TAFA1: variants seen among roughly 807,000 people sequenced by gnomAD.
TAFA1 encodes chemokine-like protein TAFA-1.
A neutral mutation model predicts 18.5 loss-of-function variants in TAFA1; 4 were observed. The observed-to-expected ratio is 0.22, with a 90% CI of 0.11 to 0.49. The LOEUF (loss-of-function observed/expected upper bound fraction) is 0.49. Ranked by LOEUF, TAFA1 falls within the 20% of genes least tolerant of loss-of-function variation. The pLI, the probability that TAFA1 is intolerant of heterozygous loss-of-function variation, is 0.98. For missense variants in TAFA1, 147 were observed against 169.0 expected (o/e 0.87, Z 0.72); for synonymous variants, 56 against 55.2 (o/e 1.01, Z -0.06).
At chr3:68,508,789 G>A (rs923696833) in intron 3 of TAFA1, among the ~76,000 whole-genome samples, 8 of 152,098 alleles carry the variant, frequency 5.3e-5, no homozygotes, top group African/African-American at 1.9e-4. Flanking sequence ...GTTGGAAGAA[G>A]TAGAGGCAAG....
At chr3:68,176,174 A>G (rs1336036612) in intron 2 of TAFA1, among the ~76,000 whole-genome samples, 1 of 152,200 alleles carries the variant, frequency 6.6e-6, no homozygotes, top group Non-Finnish European at 1.5e-5. Flanking sequence ...AAATGGACTA[A>G]TACATGAATA....
At chr3:68,304,528 G>C (rs1421619521) in intron 2 of TAFA1, among the ~76,000 whole-genome samples, 5 of 152,126 alleles carry the variant, frequency 3.3e-5, no homozygotes, top group African/African-American at 9.7e-5. Flanking sequence ...TGCTCAAAAA[G>C]TTTGCAGATG....
chr3:68,215,921 A>G (rs1286387804), intron 2 of TAFA1, among the ~76,000 whole-genome samples: 1 of 152,050 alleles, frequency 6.6e-6, no homozygotes, highest in Non-Finnish European at 1.5e-5. Context: ...ATGTCCTTCA[A>G]TCAGTGAATT....
At chr3:68,061,675 T>C (rs1575596608) in intron 2 of TAFA1, among the ~76,000 whole-genome samples, 2 of 152,332 alleles carry the variant, frequency 1.3e-5, no homozygotes, top group South Asian at 4.1e-4. Context: ...ATTGATCATG[T>C]GCAGTGTCTT....
chr3:68,446,439 C>G (rs1309278387), intron 3 of TAFA1, among the ~76,000 whole-genome samples: 1 of 152,158 alleles, frequency 6.6e-6, no homozygotes, highest in Admixed American at 6.6e-5. Context: ...CCCCTCCCTT[C>G]TATCTGAGCC....
At chr3:68,108,785 CTTT>C (rs1414589929) in intron 2 of TAFA1, among the ~76,000 whole-genome samples, 1 of 151,988 alleles carries the variant, frequency 6.6e-6, no homozygotes, top group East Asian at 1.9e-4. Context: ...CTTAATTTGT[CTTT>C]TATTATTATA....
chr3:68,033,481 T>A (rs534899452), intron 2 of TAFA1, among the ~76,000 whole-genome samples: 1 of 152,350 alleles, frequency 6.6e-6, no homozygotes, highest in East Asian at 1.9e-4. Context: ...CTTCTGACAT[T>A]GATATTTTCT....
At chr3:68,084,974 T>C (rs1304546754) in intron 2 of TAFA1, among the ~76,000 whole-genome samples, 3 of 152,136 alleles carry the variant, frequency 2.0e-5, no homozygotes, top group African/African-American at 7.2e-5. Flanking sequence ...TTCCTCCCCA[T>C]TGTAATGTGA....
chr3:68,049,809 T>C (rs887152933), intron 2 of TAFA1, among the ~76,000 whole-genome samples: 4 of 152,080 alleles, frequency 2.6e-5, no homozygotes. Flanking sequence ...GAGAACATTT[T>C]CTGCATATTT....
At chr3:68,074,069 C>A (rs1195117747) in intron 2 of TAFA1, among the ~76,000 whole-genome samples, 5 of 152,146 alleles carry the variant, frequency 3.3e-5, no homozygotes, top group Non-Finnish European at 7.4e-5. Flanking sequence ...TAGACAGTCC[C>A]ATCTGCGGGT....
intron 2 of TAFA1, among the ~76,000 whole-genome samples, chr3:68,060,948 C>T (rs1196913831): frequency 6.6e-6 from 1 of 152,164 alleles, no homozygotes; most frequent in Non-Finnish European, 1.5e-5. Flanking sequence ...TCAACAGATC[C>T]ACAGTGGGTG....
chr3:68,324,196 C>T (rs2068739622), intron 2 of TAFA1, among the ~76,000 whole-genome samples: 1 of 152,088 alleles, frequency 6.6e-6, no homozygotes, highest in Admixed American at 6.6e-5. Flanking sequence ...TTAATATTCA[C>T]TACAGTTTGT....
intron 2 of TAFA1, among the ~76,000 whole-genome samples, chr3:68,128,882 G>A (rs2065504392): frequency 6.6e-6 from 1 of 152,190 alleles, no homozygotes; most frequent in Non-Finnish European, 1.5e-5. Flanking sequence ...GAACAAGGTA[G>A]TGCTCCTAGA....
intron 2 of TAFA1, among the ~76,000 whole-genome samples, chr3:68,285,865 A>C (rs2067990736): frequency 6.6e-6 from 1 of 152,204 alleles, no homozygotes; most frequent in Non-Finnish European, 1.5e-5. Flanking sequence ...ATGGCCAATC[A>C]TTGAATATAC....
intron 2 of TAFA1, among the ~76,000 whole-genome samples, chr3:68,339,947 A>T (rs983983305): frequency 1.3e-5 from 2 of 152,226 alleles, no homozygotes; most frequent in African/African-American, 4.8e-5. Flanking sequence ...GACAGCTCCC[A>T]CAACCATCTT....
At chr3:68,021,322 G>A (rs1031274105) in intron 2 of TAFA1, among the ~76,000 whole-genome samples, 1 of 151,592 alleles carries the variant, frequency 6.6e-6, no homozygotes, top group Non-Finnish European at 1.5e-5. Flanking sequence ...CCAAAAGTTA[G>A]CACTGGTGTT....
chr3:68,519,523 A>C (rs984748271), intron 3 of TAFA1, among the ~76,000 whole-genome samples: 2 of 152,246 alleles, frequency 1.3e-5, no homozygotes, highest in Non-Finnish European at 2.9e-5. Flanking sequence ...AAATAAATTC[A>C]TATGTATGTG....
At chr3:68,176,267 A>G (rs1280951479) in intron 2 of TAFA1, among the ~76,000 whole-genome samples, 1 of 152,216 alleles carries the variant, frequency 6.6e-6, no homozygotes, top group Non-Finnish European at 1.5e-5. Context: ...GAATTGTTTG[A>G]GGCCAGGAGT....
intron 2 of TAFA1, among the ~76,000 whole-genome samples, chr3:68,125,254 T>G (rs371997510): frequency 6.6e-6 from 1 of 152,336 alleles, no homozygotes. Flanking sequence ...CTGATAATAA[T>G]GGTACTTACG....
Sources: gnomAD v4.1 joint callset for allele counts (sites outside exome capture counted in the v4.1 genomes callset) on GRCh38, gnomAD v4.1.1 for gene constraint, MANE v1.5 for transcripts, NCBI Gene and HGNC (gene_info 2026-07-23, HGNC 2026-07-21) for gene names.